The following FAM227B variants were observed in gnomAD, a reference collection of about 807,000 sequenced individuals.
FAM227B encodes protein FAM227B.
In FAM227B, 88 loss-of-function variants were observed where a neutral mutation model predicts 73.8. The ratio of observed to expected loss-of-function variants is 1.19; its 90% CI spans 1.00 to 1.42. The LOEUF is 1.42. FAM227B is among the 40% of genes most tolerant of loss of function. The pLI, the probability that FAM227B is intolerant of heterozygous loss-of-function variation, is 0.00. For synonymous variants in FAM227B, 210 were observed against 190.5 expected (o/e 1.10, Z -0.84); for missense variants, 632 against 590.9 (o/e 1.07, Z -0.72).
chr15:49,494,494 G>C (rs541547255), intron 11 of FAM227B, among the ~76,000 whole-genome samples: 4 of 152,172 alleles, frequency 2.6e-5, no homozygotes, highest in African/African-American at 9.6e-5. Flanking sequence ...CATTTTGCTA[G>C]ATTTATACAT....
chr15:49,587,618 AAC>A (rs2076247983), intron 5 of FAM227B, among the ~76,000 whole-genome samples: 1 of 152,194 alleles, frequency 6.6e-6, no homozygotes, highest in Admixed American at 6.6e-5. Context: ...AGTAATTCAA[AAC>A]ACTTGCCATT....
At chr15:49,607,065 T>A (rs1230021608) in intron 3 of FAM227B, among the ~76,000 whole-genome samples, 3 of 152,100 alleles carry the variant, frequency 2.0e-5, no homozygotes. Context: ...GGGGAAGAAA[T>A]CTGAGGTCTG....
At chr15:49,330,335 A>G (rs759496663) in intron 15 of FAM227B, 1 of 152,246 alleles carries the variant, frequency 6.6e-6, no homozygotes, top group Non-Finnish European at 1.5e-5. Flanking sequence ...ATAGCCCAGC[A>G]GCCCATGGGC....
At chr15:49,516,661 G>A (rs536556952) in intron 10 of FAM227B, among the ~76,000 whole-genome samples, 4 of 152,116 alleles carry the variant, frequency 2.6e-5, no homozygotes, top group Admixed American at 1.3e-4. Flanking sequence ...TTGTGACATA[G>A]TCTAGCCAGT....
At chr15:49,357,495 G>T (rs2043369378) in intron 13 of FAM227B, among the ~76,000 whole-genome samples, 1 of 152,052 alleles carries the variant, frequency 6.6e-6, no homozygotes. Flanking sequence ...AAGAAATAAT[G>T]GATAAATTCC....
chr15:49,567,944 T>C (rs879672405), intron 9 of FAM227B, among the ~76,000 whole-genome samples: 1 of 151,984 alleles, frequency 6.6e-6, no homozygotes, highest in Admixed American at 6.6e-5. Flanking sequence ...AATAATTTTG[T>C]AGGTAAACAG....
chr15:49,496,132 T>A (rs1341834085), intron 11 of FAM227B, among the ~76,000 whole-genome samples: 1 of 152,182 alleles, frequency 6.6e-6, no homozygotes, highest in Non-Finnish European at 1.5e-5. Context: ...TTCTGTAACA[T>A]GTCATTTGCT....
chr15:49,519,539 C>A (rs943088063), intron 10 of FAM227B, among the ~76,000 whole-genome samples: 1 of 152,186 alleles, frequency 6.6e-6, no homozygotes, highest in African/African-American at 2.4e-5. Context: ...CTTCTGTGCA[C>A]CCTCAGGCTC....
chr15:49,366,494 A>C (rs1370080705), intron 13 of FAM227B: 1 of 1,226,740 alleles, frequency 8.2e-7, no homozygotes, highest in African/African-American at 1.5e-5. Context: ...CAGATTCATC[A>C]AACTAATGGA....
intron 11 of FAM227B, among the ~76,000 whole-genome samples, chr15:49,411,055 G>A (rs895955087): frequency 4.0e-5 from 6 of 150,212 alleles, no homozygotes; most frequent in African/African-American, 1.5e-4. Context: ...AATGAGAGAG[G>A]GAGCTAGGAA....
chr15:49,565,747 G>A (rs929900597), intron 9 of FAM227B, among the ~76,000 whole-genome samples: 2 of 152,036 alleles, frequency 1.3e-5, no homozygotes, highest in African/African-American at 4.8e-5. Flanking sequence ...ATCTTCGGTG[G>A]GGGTTAAGAT....
intron 7 of FAM227B, chr15:49,576,424 G>C (rs2152376929): frequency 5.4e-6 from 1 of 184,158 alleles, no homozygotes; most frequent in African/African-American, 2.4e-5. Flanking sequence ...CTTATTTCAG[G>C]ATCAAAAATG....
intron 9 of FAM227B, among the ~76,000 whole-genome samples, chr15:49,562,392 A>G (rs932093958): frequency 7.9e-5 from 12 of 152,074 alleles, no homozygotes; most frequent in Non-Finnish European, 1.8e-4. Context: ...AGAACCCTGT[A>G]CCAGATGGAT....
At chr15:49,444,644 GAACCTTCTTAGCCT>G (rs1269622798) in intron 11 of FAM227B, among the ~76,000 whole-genome samples, 1 of 151,644 alleles carries the variant, frequency 6.6e-6, no homozygotes, top group African/African-American at 2.4e-5. Context: ...GTTGAATCAG[GAACCTTCTTAGCCT>G]AATATTCTGC....
intron 9 of FAM227B, among the ~76,000 whole-genome samples, chr15:49,567,147 A>C (rs1425131504): frequency 1.3e-5 from 2 of 152,208 alleles, no homozygotes; most frequent in Non-Finnish European, 2.9e-5. Flanking sequence ...GCTAACTGAA[A>C]GAATATGGGT....
chr15:49,561,291 TA>T (rs1259810144), intron 9 of FAM227B, among the ~76,000 whole-genome samples: 2 of 152,132 alleles, frequency 1.3e-5, no homozygotes, highest in Non-Finnish European at 2.9e-5. Context: ...CACATAATGA[TA>T]AAGGGTTCAA....
rs1023794096 is a variant in FAM227B, at chr15:49,429,349, G to C, written c.1013-57950C>G. On this transcript the variant is annotated intron_variant, in intron 11 of 15. Coordinates refer to ENST00000299338, the MANE Select transcript of FAM227B (RefSeq NM_152647.3). ...GATTTGAAAATATTAGCCATTCTTT[G>C]ATTAGTTTTTAATTTTATAATCTTT... Among the ~76,000 whole-genome samples, 5 of 151,918 alleles carry C rather than the reference G, an allele frequency of 3.3e-5. No homozygotes were observed. The East Asian group carries it at 7.7e-4, about 24-fold the overall frequency.
At chr15:49,555,490 T>C (rs1490224641) in intron 9 of FAM227B, among the ~76,000 whole-genome samples, 1 of 152,218 alleles carries the variant, frequency 6.6e-6, no homozygotes, top group Admixed American at 6.5e-5. Context: ...TGTTTTTCTT[T>C]CATGTCAACC....
intron 11 of FAM227B, among the ~76,000 whole-genome samples, chr15:49,432,945 G>A (rs2050746288): frequency 6.6e-6 from 1 of 151,252 alleles, no homozygotes. Flanking sequence ...AAATGCTTTA[G>A]GATCCTAATA....
Sources: gnomAD v4.1 joint callset for allele counts (sites outside exome capture counted in the v4.1 genomes callset) on GRCh38, gnomAD v4.1.1 for gene constraint, MANE v1.5 for transcripts, NCBI Gene and HGNC (gene_info 2026-07-23, HGNC 2026-07-21) for gene names.